NXPH1: variants seen among roughly 807,000 people sequenced by gnomAD.
NXPH1 encodes neurexophilin 1.
A neutral mutation model predicts 23.7 loss-of-function variants in NXPH1; 5 were observed. That is an observed-to-expected ratio of 0.21 (90% confidence interval 0.11 to 0.44). NXPH1 has a LOEUF of 0.44. NXPH1 is among the 20% of genes least tolerant of loss of function. NXPH1 has a pLI of 0.99. For missense variants in NXPH1, 324 were observed against 321.6 expected, an observed-to-expected ratio of 1.01 and a Z score of -0.06; for synonymous variants, 144 against 122.2, an observed-to-expected ratio of 1.18 and a Z score of -1.18.
At chr7:8,536,530 T>G (rs749923603) in intron 2 of NXPH1, among the ~76,000 whole-genome samples, 12 of 151,952 alleles carry the variant, frequency 7.9e-5, no homozygotes, top group East Asian at 1.9e-4. Context: ...GTTGTATTTT[T>G]GGGGGTTCTT....
chr7:8,634,190 T>C (rs1180308226), intron 2 of NXPH1, among the ~76,000 whole-genome samples: 2 of 152,078 alleles, frequency 1.3e-5, no homozygotes, highest in Non-Finnish European at 2.9e-5. Context: ...AGAGACCCGG[T>C]GGTACGTAAT....
intron 2 of NXPH1, among the ~76,000 whole-genome samples, chr7:8,610,894 G>A (rs932677169): frequency 1.3e-5 from 2 of 151,912 alleles, no homozygotes; most frequent in Non-Finnish European, 2.9e-5. Context: ...TGTTTAAGAG[G>A]CTCAGGTGGG....
chr7:8,645,416 C>A (rs1157449608), intron 2 of NXPH1, among the ~76,000 whole-genome samples: 2 of 151,962 alleles, frequency 1.3e-5, no homozygotes, highest in Non-Finnish European at 2.9e-5. Context: ...TTCCTATGAT[C>A]CTGAACATCC....
chr7:8,724,570 A>G (rs958230389), intron 2 of NXPH1, among the ~76,000 whole-genome samples: 37 of 152,282 alleles, frequency 2.4e-4, no homozygotes, highest in African/African-American at 8.4e-4. Context: ...CTCTATTGTG[A>G]CTTATCTTAC....
chr7:8,667,727 C>T (rs376214538), intron 2 of NXPH1, among the ~76,000 whole-genome samples: 1 of 152,096 alleles, frequency 6.6e-6, no homozygotes, highest in African/African-American at 2.4e-5. Flanking sequence ...ATATCTCTAC[C>T]TAGATTTGAA....
chr7:8,717,426 A>C (rs1013653122), intron 2 of NXPH1, among the ~76,000 whole-genome samples: 2 of 152,180 alleles, frequency 1.3e-5, no homozygotes, highest in African/African-American at 4.8e-5. Flanking sequence ...CAACCTCTGC[A>C]AAATGTTCCT....
intron 2 of NXPH1, among the ~76,000 whole-genome samples, chr7:8,554,721 A>G (rs1043652307): frequency 2.0e-5 from 3 of 151,708 alleles, no homozygotes; most frequent in South Asian, 2.1e-4. Flanking sequence ...CCTTTTAAGT[A>G]TAAAGTCCTT....
chr7:8,589,422 A>G (rs771371735), intron 2 of NXPH1, among the ~76,000 whole-genome samples: 1 of 152,142 alleles, frequency 6.6e-6, no homozygotes, highest in Non-Finnish European at 1.5e-5. Context: ...GTAAGTATGC[A>G]CACCAGCAAA....
chr7:8,437,323 A>G (rs932461921), intron 2 of NXPH1, among the ~76,000 whole-genome samples: 32 of 147,706 alleles, frequency 2.2e-4, no homozygotes, highest in African/African-American at 7.6e-4. Context: ...GGAGGGCAGA[A>G]AGTTTGGCCA....
chr7:8,484,341 G>A (rs1238273771), intron 2 of NXPH1, among the ~76,000 whole-genome samples: 1 of 151,878 alleles, frequency 6.6e-6, no homozygotes, highest in African/African-American at 2.4e-5. Context: ...GAAATACTTG[G>A]TCCGCTTTAT....
At chr7:8,710,810 C>G (rs370868442) in intron 2 of NXPH1, among the ~76,000 whole-genome samples, 2 of 138,070 alleles carry the variant, frequency 1.4e-5, no homozygotes, top group African/African-American at 3.1e-5. Context: ...CTACAGGCGC[C>G]CGCCACCGCG....
chr7:8,589,889 C>T (rs943303494), intron 2 of NXPH1, among the ~76,000 whole-genome samples: 2 of 152,060 alleles, frequency 1.3e-5, no homozygotes, highest in Non-Finnish European at 2.9e-5. Flanking sequence ...CCACAGGTGA[C>T]TCTTTAACTT....
At chr7:8,529,339 C>T (rs1817914938) in intron 2 of NXPH1, among the ~76,000 whole-genome samples, 1 of 152,200 alleles carries the variant, frequency 6.6e-6, no homozygotes, top group Admixed American at 6.5e-5. Context: ...CAAAATTCTG[C>T]CTGCCACAGA....
At chr7:8,458,308 G>C (rs917782642) in intron 2 of NXPH1, among the ~76,000 whole-genome samples, 1 of 152,174 alleles carries the variant, frequency 6.6e-6, no homozygotes, top group Non-Finnish European at 1.5e-5. Context: ...CTTTCTAAGT[G>C]GGGGAAGGAA....
Position 8,515,778 on chromosome 7 carries a change from G to A in NXPH1, c.54+80011G>A, listed in dbSNP as rs73233610. Among the ~76,000 whole-genome samples, 1,072 of 152,154 alleles carry A rather than the reference G, an allele frequency of 7.0e-3. 9 individuals carry two copies. The highest frequency in any genetic ancestry group is 0.025 in the African/African-American group (1,026 of 41,520). ...TGGTAGGCCTGAGCGTTTTAATCACGTCTGTAAACTCACATGTGGAACATG... is the reference window on the plus strand; with the variant it reads ...TGGTAGGCCTGAGCGTTTTAATCACATCTGTAAACTCACATGTGGAACATG... On this transcript the variant is annotated intron_variant, in intron 2 of 2. Coordinates refer to ENST00000405863, the MANE Select transcript of NXPH1 (RefSeq NM_152745.3).
chr7:8,560,417 T>C (rs570231846), intron 2 of NXPH1, among the ~76,000 whole-genome samples: 1 of 151,772 alleles, frequency 6.6e-6, no homozygotes, highest in Non-Finnish European at 1.5e-5. Flanking sequence ...TTGTTTGATG[T>C]GACAGACTGC....
intron 2 of NXPH1, among the ~76,000 whole-genome samples, chr7:8,642,505 C>T (rs997207305): frequency 6.6e-6 from 1 of 152,004 alleles, no homozygotes; most frequent in African/African-American, 2.4e-5. Flanking sequence ...TTAAGCAGTT[C>T]CCTCTGAGAT....
chr7:8,743,381 G>GTGTCTCC, intron 2 of NXPH1, among the ~76,000 whole-genome samples: 1 of 118,404 alleles, frequency 8.4e-6, no homozygotes, highest in African/African-American at 2.7e-5. Flanking sequence ...TCTAGTTGAA[G>GTGTCTCC]ATTGTATATA....
chr7:8,514,415 C>A (rs1817657866), intron 2 of NXPH1, among the ~76,000 whole-genome samples: 1 of 152,134 alleles, frequency 6.6e-6, no homozygotes, highest in Non-Finnish European at 1.5e-5. Flanking sequence ...CTTGAAGTTG[C>A]ACAGCGAATA....
Sources: gnomAD v4.1 joint callset for allele counts (sites outside exome capture counted in the v4.1 genomes callset) on GRCh38, gnomAD v4.1.1 for gene constraint, MANE v1.5 for transcripts, NCBI Gene and HGNC (gene_info 2026-07-23, HGNC 2026-07-21) for gene names.